The following NDE1 variants were observed in gnomAD, a reference collection of about 807,000 sequenced individuals.
NDE1 encodes the protein nuclear distribution protein nudE homolog 1.
NDE1 carries 28 observed loss-of-function variants against 43.4 expected under a neutral mutation model. The ratio of observed to expected loss-of-function variants is 0.65; its 90% CI spans 0.48 to 0.89. The LOEUF (loss-of-function observed/expected upper bound fraction) is 0.89, where lower values mean the gene tolerates loss of function less well. Among genes scored for constraint, NDE1 ranks in the 40% least tolerant of loss-of-function variants. NDE1 has a pLI of 0.00. For missense variants in NDE1, 441 were observed against 434.1 expected (o/e 1.02, Z -0.14); for synonymous variants, 184 against 172.0 (o/e 1.07, Z -0.55).
Position 15,725,160 on chromosome 16 carries a change from C to T in NDE1, c.*909C>T. On this transcript the variant is annotated 3_prime_UTR_variant, in exon 9 of 9. Transcript: ENST00000396354. ...AAAAAAAAAAAAAAACACACACACA[C>T]ACAAAAAAAACAGAATCTGTGGCTT... The T allele has an allele frequency of 1.5e-6, 1 of 649,862 alleles. No individual in the cohort carries two copies. 40.3% of individuals were successfully genotyped at this position (649,862 alleles called of 1,614,324 possible). A position where few individuals can be genotyped will look rare whatever the true frequency, so the allele number is the denominator to read the frequency against.
intron 2 of NDE1, among the ~76,000 whole-genome samples, chr16:15,667,044 GA>G (rs2037342355): frequency 6.6e-6 from 1 of 152,084 alleles, no homozygotes; most frequent in Admixed American, 6.6e-5. Flanking sequence ...TCAGGAGATC[GA>G]GACCAGCCTG....
intron 8 of NDE1, among the ~76,000 whole-genome samples, chr16:15,721,901 A>C (rs1026238435): frequency 7.9e-5 from 12 of 152,082 alleles, no homozygotes; most frequent in African/African-American, 2.9e-4. Context: ...TTTGTCACCC[A>C]GGCTGGAGTG....
chr16:15,695,379 G>C (rs887889489), intron 7 of NDE1: 32 of 452,428 alleles, frequency 7.1e-5, no homozygotes, highest in Admixed American at 1.3e-4. Flanking sequence ...ATGGTGGTGG[G>C]CACCTGCGAT....
At chr16:15,651,436 T>TG (rs1237624868) in intron 1 of NDE1, 3 of 149,330 alleles carry the variant, frequency 2.0e-5, no homozygotes, top group Middle Eastern at 3.4e-3. Context: ...ACCCGTTTTT[T>TG]TTTTTTTTTT....
At chr16:15,644,996 T>C (rs984532024) in intron 1 of NDE1, among the ~76,000 whole-genome samples, 3 of 150,934 alleles carry the variant, frequency 2.0e-5, no homozygotes, top group Non-Finnish European at 4.4e-5. Flanking sequence ...CTTGGCTCAC[T>C]GCAGCCTCCA....
intron 7 of NDE1, among the ~76,000 whole-genome samples, chr16:15,696,386 CAA>C (rs5815840): frequency 2.7e-5 from 4 of 145,780 alleles, no homozygotes; most frequent in Non-Finnish European, 6.0e-5. Flanking sequence ...AAAAACAAAA[CAA>C]AAAAAAAAAC....
chr16:15,695,963 C>T (rs1210111399), intron 7 of NDE1: 3 of 152,456 alleles, frequency 2.0e-5, no homozygotes, highest in African/African-American at 4.8e-5. Flanking sequence ...TTTCCTACTT[C>T]CTACAAGCGG....
intron 7 of NDE1, chr16:15,695,980 A>G (rs1365190468): frequency 6.6e-6 from 1 of 152,304 alleles, no homozygotes; most frequent in Non-Finnish European, 1.5e-5. Context: ...GCGGAGTTGG[A>G]TAATTGGTAG....
At chr16:15,722,907 C>A (rs771084512) in intron 8 of NDE1, among the ~76,000 whole-genome samples, 8 of 152,162 alleles carry the variant, frequency 5.3e-5, no homozygotes, top group Non-Finnish European at 8.8e-5. Context: ...CCACGCCCGG[C>A]TAATTTTGGT....
At chr16:15,681,302 A>G (rs71376085) in intron 4 of NDE1, among the ~76,000 whole-genome samples, 4,099 of 102,596 alleles carry the variant, frequency 0.04, 109 homozygotes, top group South Asian at 0.11. Flanking sequence ...GCCTCGCTCC[A>G]TTGCCCAGAG....
At chr16:15,672,817 A>C (rs1015003628) in intron 3 of NDE1, 1 of 152,216 alleles carries the variant, frequency 6.6e-6, no homozygotes, top group Non-Finnish European at 1.5e-5. Flanking sequence ...TTCCCAAATA[A>C]AGGGTGTGAG....
chr16:15,653,255 C>A (rs4781678), intron 1 of NDE1, among the ~76,000 whole-genome samples: 98,868 of 152,042 alleles, frequency 0.65, 33,363 homozygotes, highest in African/African-American at 0.83. Flanking sequence ...TTTCCACATT[C>A]GTGAATGATG....
At chr16:15,701,354 G>A (rs979453133) in intron 8 of NDE1, 4 of 152,078 alleles carry the variant, frequency 2.6e-5, no homozygotes, top group African/African-American at 7.2e-5. Context: ...ACCAACCAGC[G>A]TCAGTGGGAA....
intron 5 of NDE1, 47 bp from the exon 6 acceptor site, chr16:15,691,097 T>C (rs1469620549): frequency 1.2e-6 from 2 of 1,612,312 alleles, no homozygotes; most frequent in East Asian, 2.2e-5. Flanking sequence ...CATGAGCCAC[T>C]GCGCCTGGCT....
intron 6 of NDE1, 61 bp downstream of exon 6, chr16:15,691,384 TG>T (rs1567654004): frequency 1.3e-6 from 2 of 1,564,186 alleles, no homozygotes; most frequent in Non-Finnish European, 1.7e-6. Context: ...GGTAAGAATC[TG>T]GGGTGGGTCC....
chr16:15,687,800 G>T (rs1384964132), intron 5 of NDE1, among the ~76,000 whole-genome samples: 1 of 152,176 alleles, frequency 6.6e-6, no homozygotes, highest in Non-Finnish European at 1.5e-5. Flanking sequence ...TCTGCCTCTG[G>T]GCAGCAGAAT....
intron 5 of NDE1, among the ~76,000 whole-genome samples, chr16:15,688,755 G>A (rs1346317863): frequency 8.0e-6 from 1 of 124,996 alleles, no homozygotes; most frequent in African/African-American, 3.1e-5. Flanking sequence ...CTGGAGTGCA[G>A]TGGTGCTATC....
At position 15,677,842 on chromosome 16, in the gene NDE1, C is replaced by A; in HGVS notation, c.279C>A (p.Ile93=). Residue 93 remains isoleucine (I), a synonymous_variant, in exon 4 of 9, where the codon ATC becomes ATA. Transcript: ENST00000396354. ...AGCACTCTGAAGGCTACCGGCAGAT[C>A]TCAGCCTTGGAGGATGACCTCGCGC... is the stretch of plus-strand genomic sequence containing the variant. ...EVQHSEGYRQ[I]SALEDDLAQT... is the part of the protein sequence containing the mutation. 3.7e-6 allele frequency: 6 copies of A among 1,614,142 alleles called. No homozygotes were observed. The South Asian group carries it at 6.6e-5, about 18-fold the overall frequency.
intron 8 of NDE1, among the ~76,000 whole-genome samples, chr16:15,704,631 A>G (rs561308730): frequency 6.6e-6 from 1 of 152,268 alleles, no homozygotes; most frequent in South Asian, 2.1e-4. Flanking sequence ...AGAAGGTGAA[A>G]TGGACAAGGG....
Sources: gnomAD v4.1 joint callset for allele counts (sites outside exome capture counted in the v4.1 genomes callset) on GRCh38, gnomAD v4.1.1 for gene constraint, MANE v1.5 for transcripts, NCBI Gene and HGNC (gene_info 2026-07-23, HGNC 2026-07-21) for gene names.